The following SLC12A5 variants were observed in gnomAD, a reference collection of about 807,000 sequenced individuals.
SLC12A5 encodes the protein solute carrier family 12 member 5, also known as K-Cl cotransporter 2.
SLC12A5 carries 18 observed loss-of-function variants against 124.0 expected under a neutral mutation model. The observed-to-expected ratio is 0.15, with a 90% CI of 0.10 to 0.22. The LOEUF is 0.22. Among genes scored for constraint, SLC12A5 ranks in the 10% least tolerant of loss-of-function variants. SLC12A5 has a pLI of 1.00. For synonymous variants in SLC12A5, 589 were observed against 568.0 expected (o/e 1.04, Z -0.53); for missense variants, 867 against 1,478.7 (o/e 0.59, Z 6.78).
Position 46,053,142 on chromosome 20 carries a change from G to C in SLC12A5, c.2547+16G>C, listed in dbSNP as rs755275909. 3.7e-6 allele frequency: 6 copies of C among 1,604,144 alleles called. No individual in the cohort carries two copies. The highest frequency in any genetic ancestry group is 1.7e-5 in the Admixed American group (1 of 59,854). ...GCACCACAAGGTGAGTTGTGTGCGT[G>C]AGTGTATGCACGTGTGAGTGTGTGT... is the stretch of plus-strand genomic sequence containing the variant. On this transcript the variant is annotated intron_variant, in intron 19 of 25. Transcript: ENST00000243964. The surrounding 1 kb of genome is among the most constrained non-coding windows in gnomAD (Gnocchi z 4.7).
chr20:46,050,595 C>T (rs1319515781), intron 17 of SLC12A5, among the ~76,000 whole-genome samples: 4 of 152,234 alleles, frequency 2.6e-5, no homozygotes, highest in African/African-American at 9.6e-5. Context: ...CTGCTTCTGC[C>T]TCACTGGGCT....
chr20:46,050,267 C>A (rs944812400), intron 17 of SLC12A5, among the ~76,000 whole-genome samples: 9 of 152,228 alleles, frequency 5.9e-5, no homozygotes, highest in Admixed American at 2.6e-4. Flanking sequence ...AAGCTGCTTG[C>A]TGAAAGTCAG....
chr20:46,026,592 G>T (rs1008563099), upstream of SLC12A5, among the ~76,000 whole-genome samples: 4 of 152,254 alleles, frequency 2.6e-5, no homozygotes, highest in Non-Finnish European at 5.9e-5. Context: ...CTTGGTCGGG[G>T]CTCCTTAGGA....
intron 1 of SLC12A5, among the ~76,000 whole-genome samples, chr20:46,033,001 T>C (rs898369554): frequency 1.3e-5 from 2 of 152,150 alleles, no homozygotes; most frequent in African/African-American, 4.8e-5. Flanking sequence ...GAGCTGACGA[T>C]TGCACCCTAT....
chr20:46,032,748 C>T (rs1200660127), intron 1 of SLC12A5, among the ~76,000 whole-genome samples: 1 of 152,150 alleles, frequency 6.6e-6, no homozygotes, highest in Non-Finnish European at 1.5e-5. Flanking sequence ...CATCCTTTCA[C>T]CTCAGGTCCC....
chr20:46,057,985 T>G lies in SLC12A5; in HGVS notation c.*380T>G. Reference sequence around the variant, plus strand: ...CCTCCCCTTCCCACTCCCGCCGCGGTCCTCGCTCTGCGCTCCTCCGGCGCT... The same window carrying G: ...CCTCCCCTTCCCACTCCCGCCGCGGGCCTCGCTCTGCGCTCCTCCGGCGCT... On this transcript the variant is annotated 3_prime_UTR_variant, in exon 26 of 26. Transcript: ENST00000243964. This position sits in a 1 kb window ranked among gnomAD's most constrained non-coding sequence, Gnocchi z 7.1. 1 of 187,912 alleles carries G rather than the reference T, an allele frequency of 5.3e-6. No homozygotes were observed. The highest frequency in any genetic ancestry group is 1.7e-4 in the South Asian group (1 of 5,754). The allele number at this position is 187,912 out of a possible 1,614,324, so 11.6% of individuals were successfully genotyped here.
rs2084688973 is a variant in SLC12A5 at position 46,056,111 on chromosome 20, C to T, written c.2788-39C>T. 1.1e-5 allele frequency: 18 copies of T among 1,611,528 alleles called. No homozygotes were observed. The highest frequency in any genetic ancestry group is 1.5e-5 in the Non-Finnish European group (18 of 1,178,756). ...GCTCTTTGCAGGGCATGGGTGGTGA[C>T]TCCCAGCAGAGCTGGCACCAACCTA... On this transcript the variant is annotated intron_variant, in intron 21 of 25. Coordinates refer to ENST00000243964, the MANE Select transcript of SLC12A5 (RefSeq NM_020708.5). The surrounding 1 kb of genome is among the most constrained non-coding windows in gnomAD (Gnocchi z 4.3).
Position 46,058,594 on chromosome 20 carries a change from G to T in SLC12A5, c.*989G>T. 2.5e-6 allele frequency: 1 copy of T among 399,142 alleles called. No individual in the cohort carries two copies. Among genetic ancestry groups the T allele is most frequent in the Non-Finnish European group, 4.4e-6 (1 of 226,172 alleles). 24.7% of individuals were successfully genotyped at this position (399,142 alleles called of 1,614,324 possible). A position where few individuals can be genotyped will look rare whatever the true frequency, so the allele number is the denominator to read the frequency against. Reference sequence around the variant, plus strand: ...GCCCGCGCCCCACCGAGGAAGCCCCGCCCCGGTGCCTTCGCTGGGGAGCAG... The same window carrying T: ...GCCCGCGCCCCACCGAGGAAGCCCCTCCCCGGTGCCTTCGCTGGGGAGCAG... On this transcript the variant is annotated 3_prime_UTR_variant, in exon 26 of 26. Coordinates refer to ENST00000243964, the MANE Select transcript of SLC12A5 (RefSeq NM_020708.5). The surrounding 1 kb of genome is among the most constrained non-coding windows in gnomAD (Gnocchi z 5.8).
intron 18 of SLC12A5, among the ~76,000 whole-genome samples, chr20:46,052,666 G>A (rs1281219998): frequency 1.3e-5 from 2 of 152,218 alleles, no homozygotes; most frequent in African/African-American, 4.8e-5. Flanking sequence ...AGGATTCAGT[G>A]TGGTCATACA....
In SLC12A5 at chr20:46,056,327, C is replaced by T. The variant is rs2084692968; in HGVS notation, c.2911-38C>T. On this transcript the variant is annotated intron_variant, in intron 22 of 25. Coordinates refer to ENST00000243964, the MANE Select transcript of SLC12A5 (RefSeq NM_020708.5). The surrounding 1 kb of genome is among the most constrained non-coding windows in gnomAD (Gnocchi z 4.3). ...CAGTGGGAGCAGAGCCCTTGGCCTC[C>T]AAAGGACTCAACTGCCATCGCTTCA... 1 of 1,610,384 alleles carries T rather than the reference C, an allele frequency of 6.2e-7. No homozygotes were observed. The highest frequency in any genetic ancestry group is 1.7e-5 in the Admixed American group (1 of 59,814).
chr20:46,056,016 C>T lies in SLC12A5; in HGVS notation c.2788-134C>T. ...GTGCAGTAGCTATTTGGTCTCAAAT[C>T]ATAGCAATATTTTAACAACTGGTAC... On this transcript the variant is annotated intron_variant, in intron 21 of 25. Coordinates refer to ENST00000243964, the MANE Select transcript of SLC12A5 (RefSeq NM_020708.5). This position sits in a 1 kb window ranked among gnomAD's most constrained non-coding sequence, Gnocchi z 4.3. 8 of 1,287,042 alleles carry T rather than the reference C, an allele frequency of 6.2e-6. No individual in the cohort carries two copies. The highest frequency in any genetic ancestry group is 8.5e-6 in the Non-Finnish European group (8 of 940,752). The allele number at this position is 1,287,042 out of a possible 1,614,324, so 79.7% of individuals were successfully genotyped here. A position where few individuals can be genotyped will look rare whatever the true frequency, so the allele number is the denominator to read the frequency against.
At chr20:46,032,374 G>A (rs2084461634) in intron 1 of SLC12A5, among the ~76,000 whole-genome samples, 1 of 152,264 alleles carries the variant, frequency 6.6e-6, no homozygotes, top group Non-Finnish European at 1.5e-5. Context: ...GGCCCTAAGA[G>A]GGGATGCTGC....
chr20:46,029,044 C>A, upstream of SLC12A5: 1 of 1,051,516 alleles, frequency 9.5e-7, no homozygotes, highest in Non-Finnish European at 1.2e-6. Flanking sequence ...TCGGGCTCTG[C>A]CCGCCCCTCA....
Position 46,040,412 on chromosome 20 carries a change from G to A in SLC12A5, c.652G>A (p.Asp218Asn), listed in dbSNP as rs2084535300. The change falls in exon 7 of 26, where the codon GAT becomes AAT. Residue 218 changes from aspartate (D) to asparagine (N), a missense_variant. Transcript: ENST00000243964. ...AGCCATGGCCATCTTCAAGGCAGAA[G>A]ATGCCAGTGGGGAGGCAGCAGCCAT... Reference protein sequence around the residue: ...FPAMAIFKAEDASGEAAAMLN... With the variant: ...FPAMAIFKAENASGEAAAMLN... The A allele has an allele frequency of 6.2e-7, 1 of 1,614,236 alleles. No homozygotes were observed. The highest frequency in any genetic ancestry group is 1.1e-5 in the South Asian group (1 of 91,088).
chr20:46,029,878 G>T (rs887854544), intron 1 of SLC12A5, among the ~76,000 whole-genome samples: 9 of 52,752 alleles, frequency 1.7e-4, no homozygotes, highest in African/African-American at 5.9e-4. Context: ...GTGTGTGTGT[G>T]TGTGTGTGTG....
At position 46,035,758 on chromosome 20, in the gene SLC12A5, A is replaced by G; in HGVS notation, c.280-19A>G. 6.2e-7 allele frequency: 1 copy of G among 1,604,674 alleles called. No individual in the cohort carries two copies. The highest frequency in any genetic ancestry group is 8.5e-7 in the Non-Finnish European group (1 of 1,174,474). ...GTAATGATGAGGACTGCAGAGACTG[A>G]TGCTGGCCTCCCTGGCAGGCCCCAC... On this transcript the variant is annotated intron_variant, in intron 3 of 25. Coordinates refer to ENST00000243964, the MANE Select transcript of SLC12A5 (RefSeq NM_020708.5).
upstream of SLC12A5, chr20:46,027,721 A>G (rs2084412065): frequency 1.3e-5 from 2 of 152,320 alleles, no homozygotes; most frequent in Middle Eastern, 3.4e-3. Flanking sequence ...TGTCTCTTCT[A>G]TGGAGGCAAG....
rs2084663431 is a variant in SLC12A5, at chr20:46,053,423, T to C, written c.2548-155T>C. On this transcript the variant is annotated intron_variant, in intron 19 of 25. Coordinates refer to ENST00000243964, the MANE Select transcript of SLC12A5 (RefSeq NM_020708.5). This position sits in a 1 kb window ranked among gnomAD's most constrained non-coding sequence, Gnocchi z 4.7. Reference sequence around the variant, plus strand: ...CCTCAGACCTAAGCAGGGAAGGTTTTGTAGAGAGTGGCCCCAAAGACAGAG... The same window carrying C: ...CCTCAGACCTAAGCAGGGAAGGTTTCGTAGAGAGTGGCCCCAAAGACAGAG... Among the ~76,000 whole-genome samples the C allele has an allele frequency of 6.6e-6, 1 of 152,204 alleles. No homozygotes were observed. Among genetic ancestry groups the C allele is most frequent in the Admixed American group, 6.5e-5 (1 of 15,280 alleles).
chr20:46,027,146 A>G (rs2084406331), upstream of SLC12A5, among the ~76,000 whole-genome samples: 1 of 152,212 alleles, frequency 6.6e-6, no homozygotes, highest in Non-Finnish European at 1.5e-5. Flanking sequence ...TGGCATGCTT[A>G]AAAATTTTTG....
Sources: allele counts gnomAD v4.1 joint callset (sites outside exome capture counted in the v4.1 genomes callset), GRCh38; gene constraint gnomAD v4.1.1; non-coding constraint Gnocchi (gnomAD v3.1); transcripts MANE v1.5; gene names NCBI Gene and HGNC (gene_info 2026-07-23, HGNC 2026-07-21).